The following AKAP6 variants were observed in gnomAD, a reference collection of about 807,000 sequenced individuals.
The protein encoded by AKAP6 is A-kinase anchoring protein 6.
A neutral mutation model predicts 188.5 loss-of-function variants in AKAP6; 58 were observed. That is an observed-to-expected ratio of 0.31 (90% CI 0.25 to 0.38). The LOEUF (loss-of-function observed/expected upper bound fraction) is 0.38. Among genes scored for constraint, AKAP6 ranks in the 10% least tolerant of loss-of-function variants. AKAP6 has a pLI of 1.00. For missense variants in AKAP6, 2,710 were observed against 2,740.0 expected (o/e 0.99, Z 0.24); for synonymous variants, 989 against 998.6 (o/e 0.99, Z 0.18).
chr14:32,616,462 C>T (rs766473345), intron 7 of AKAP6, among the ~76,000 whole-genome samples: 13 of 152,108 alleles, frequency 8.5e-5, no homozygotes, highest in South Asian at 2.1e-4. Flanking sequence ...GGAACATAGA[C>T]GGATCTGGAG....
intron 11 of AKAP6, among the ~76,000 whole-genome samples, chr14:32,760,130 T>G (rs1200204992): frequency 6.6e-6 from 1 of 152,184 alleles, no homozygotes; most frequent in Admixed American, 6.5e-5. Context: ...GGTTGTTTCA[T>G]GCAAATTATT....
chr14:32,474,378 C>A (rs202093915), intron 2 of AKAP6: 1 of 104,348 alleles, frequency 9.6e-6, no homozygotes, highest in Non-Finnish European at 2.0e-5. Flanking sequence ...CTTCCTAGAC[C>A]ACTTCCATCC....
chr14:32,535,797 A>T lies in AKAP6; in HGVS notation c.568A>T (p.Thr190Ser), dbSNP rs1882648077. ...TDILQAFSEE[T>S]KEGRLDSLTE... ...CATTCTGCAAGCTTTCTCTGAAGAGACAAAAGAGGTGAGTGTTTTCCTTGA... is the reference window on the plus strand; with the variant it reads ...CATTCTGCAAGCTTTCTCTGAAGAGTCAAAAGAGGTGAGTGTTTTCCTTGA... Residue 190 changes from threonine (T) to serine (S), a missense_variant, in exon 3 of 14, where the codon ACA becomes TCA. Coordinates refer to ENST00000280979, the MANE Select transcript of AKAP6 (RefSeq NM_004274.5). 4.3e-6 allele frequency: 7 copies of T among 1,610,032 alleles called. No homozygotes were observed. Among genetic ancestry groups the T allele is most frequent in the African/African-American group, 2.7e-5 (2 of 74,982 alleles).
intron 5 of AKAP6, among the ~76,000 whole-genome samples, chr14:32,587,590 G>T (rs1885307690): frequency 6.6e-6 from 1 of 152,182 alleles, no homozygotes; most frequent in Non-Finnish European, 1.5e-5. Context: ...CTAGGTGGGG[G>T]TAGTTAAGAA....
At chr14:32,408,516 T>A (rs905921794) in intron 1 of AKAP6, among the ~76,000 whole-genome samples, 3 of 135,240 alleles carry the variant, frequency 2.2e-5, no homozygotes, top group Non-Finnish European at 3.3e-5. Context: ...ATTATACAAT[T>A]TATAATATAT....
At chr14:32,684,303 A>G (rs1889817183) in intron 8 of AKAP6, among the ~76,000 whole-genome samples, 1 of 152,192 alleles carries the variant, frequency 6.6e-6, no homozygotes, top group Non-Finnish European at 1.5e-5. Context: ...GCTTATTTTA[A>G]AACTATAGGT....
intron 2 of AKAP6, among the ~76,000 whole-genome samples, chr14:32,493,489 G>T (rs1156302673): frequency 1.3e-5 from 2 of 152,168 alleles, no homozygotes; most frequent in African/African-American, 4.8e-5. Flanking sequence ...TGGATTACAG[G>T]TGTGAGCTAC....
chr14:32,791,448 C>G (rs1340545175), intron 12 of AKAP6, among the ~76,000 whole-genome samples: 3 of 151,998 alleles, frequency 2.0e-5, no homozygotes, highest in Non-Finnish European at 4.4e-5. Flanking sequence ...ATCTTTTGTC[C>G]ACTTTTTGAT....
intron 1 of AKAP6, among the ~76,000 whole-genome samples, chr14:32,401,115 T>C (rs906829110): frequency 2.6e-5 from 4 of 152,266 alleles, no homozygotes; most frequent in Non-Finnish European, 4.4e-5. Flanking sequence ...GCCTCTTACC[T>C]TCCTCGTGAG....
At chr14:32,405,699 T>TAGCG (rs112014278) in intron 1 of AKAP6, among the ~76,000 whole-genome samples, 1 of 151,636 alleles carries the variant, frequency 6.6e-6, no homozygotes, top group African/African-American at 2.4e-5. Context: ...GTTCTTGTGA[T>TAGCG]AGTGAGTTCT....
chr14:32,477,258 T>C (rs1456336894), intron 2 of AKAP6, among the ~76,000 whole-genome samples: 2 of 152,200 alleles, frequency 1.3e-5, no homozygotes, highest in Non-Finnish European at 2.9e-5. Flanking sequence ...TGACCCTAAC[T>C]TCCTTGGCTA....
At position 32,546,510 on chromosome 14, in the gene AKAP6, G is replaced by A. The variant is rs1482116652; in HGVS notation, c.1857G>A (p.Glu619=). The A allele has an allele frequency of 3.3e-5, 54 of 1,614,194 alleles. No individual in the cohort carries two copies. Among genetic ancestry groups the A allele is most frequent in the Non-Finnish European group, 4.5e-5 (53 of 1,180,036 alleles). The change falls in exon 4 of 14, where the codon GAG becomes GAA. Residue 619 remains glutamate, a synonymous_variant. Coordinates refer to ENST00000280979, the MANE Select transcript of AKAP6 (RefSeq NM_004274.5). ...CAAGTCACGTCACTAGGAATGGTGA[G>A]GTTGTGGAGGCCTGGTATGGCTCTG... The part of the protein sequence containing the change: ...SSPSHVTRNG[E]VVEAWYGSDE...
chr14:32,620,128 C>T (rs998498973), intron 7 of AKAP6, among the ~76,000 whole-genome samples: 1 of 151,968 alleles, frequency 6.6e-6, no homozygotes, highest in African/African-American at 2.4e-5. Flanking sequence ...TAGTTTAACT[C>T]ATATTTTCCA....
intron 2 of AKAP6, among the ~76,000 whole-genome samples, chr14:32,533,191 A>T (rs763836003): frequency 6.6e-6 from 1 of 152,208 alleles, no homozygotes; most frequent in Non-Finnish European, 1.5e-5. Context: ...TGGTATAGAG[A>T]GAGTGAAATG....
rs555369168 is a variant in AKAP6, at chr14:32,540,849, G to C, written c.577-4381G>C. Reference sequence around the variant, plus strand: ...AGTGAAATACTATATACTGTTTTTGGTTTTGCTTTGTTTTTTTTTTCAGGG... The same window carrying C: ...AGTGAAATACTATATACTGTTTTTGCTTTTGCTTTGTTTTTTTTTTCAGGG... On this transcript the variant is annotated intron_variant, in intron 3 of 13. Coordinates refer to ENST00000280979, the MANE Select transcript of AKAP6 (RefSeq NM_004274.5). Among the ~76,000 whole-genome samples, 6 of 149,824 alleles carry C rather than the reference G, an allele frequency of 4.0e-5. No individual in the cohort carries two copies. In the South Asian group the frequency reaches 1.3e-3, roughly 32 times the overall value.
chr14:32,348,318 G>T (rs1171992849), intron 1 of AKAP6, among the ~76,000 whole-genome samples: 1 of 151,988 alleles, frequency 6.6e-6, no homozygotes, highest in Non-Finnish European at 1.5e-5. Context: ...GGCGTAAAAA[G>T]CAGGAATCCC....
Position 32,813,400 on chromosome 14 carries a change from C to A in AKAP6, c.3589-8002C>A, listed in dbSNP as rs1381817084. The stretch of plus-strand genomic sequence containing the variant: ...TCATCTCTAACCCTACCCCCCCCCC[C>A]AACCCCTTTCCCAGAGGTCCTTCGG... On this transcript the variant is annotated intron_variant, in intron 12 of 13. Coordinates refer to ENST00000280979, the MANE Select transcript of AKAP6 (RefSeq NM_004274.5). 9.6e-5 allele frequency among the ~76,000 whole-genome samples: 12 copies of A among 124,728 alleles called. 2 individuals carry two copies. The highest frequency in any genetic ancestry group is 2.6e-4 in the African/African-American group (8 of 30,750). 81.8% of individuals were successfully genotyped at this position (124,728 alleles called of 152,430 possible).
intron 4 of AKAP6, among the ~76,000 whole-genome samples, chr14:32,569,341 C>T (rs1033821943): frequency 1.3e-5 from 2 of 152,182 alleles, no homozygotes; most frequent in Non-Finnish European, 2.9e-5. Context: ...GGTGGCATCA[C>T]AGTCAACACT....
intron 4 of AKAP6, among the ~76,000 whole-genome samples, chr14:32,558,146 A>G (rs1269129366): frequency 6.6e-6 from 1 of 152,230 alleles, no homozygotes; most frequent in Non-Finnish European, 1.5e-5. Flanking sequence ...TTTTGTAATT[A>G]AAATGAGAAG....
Sources: allele counts gnomAD v4.1 joint callset (sites outside exome capture counted in the v4.1 genomes callset), GRCh38; gene constraint gnomAD v4.1.1; transcripts MANE v1.5; gene names NCBI Gene and HGNC (gene_info 2026-07-23, HGNC 2026-07-21).